Variants in RIN2 observed in about 807,000 individuals in gnomAD.
The protein encoded by RIN2 is RAB5 interacting protein 2.
Under a neutral mutation model 78.0 loss-of-function variants are expected in RIN2, and 36 were observed. The ratio of observed to expected loss-of-function variants is 0.46; its 90% CI spans 0.35 to 0.61. RIN2 has a LOEUF of 0.61. RIN2 is among the 20% of genes least tolerant of loss of function. RIN2 has a pLI of 0.00. For missense variants in RIN2, 1,087 were observed against 1,159.7 expected, an observed-to-expected ratio of 0.94 and a Z score of 0.91; for synonymous variants, 466 against 466.8, an observed-to-expected ratio of 1.00 and a Z score of 0.02.
intron 2 of RIN2, among the ~76,000 whole-genome samples, chr20:19,809,905 A>C (rs755773723): frequency 6.6e-6 from 1 of 152,240 alleles, no homozygotes; most frequent in Non-Finnish European, 1.5e-5. Context: ...CAGTTTTCAG[A>C]GGGAGATCCT....
chr20:19,783,172 G>A (rs1309899069), intron 1 of RIN2, among the ~76,000 whole-genome samples: 2 of 152,150 alleles, frequency 1.3e-5, no homozygotes, highest in African/African-American at 4.8e-5. Flanking sequence ...ACAAATATTT[G>A]TTATATTAGA....
At chr20:19,777,694 AT>A (rs1440345884) in intron 1 of RIN2, among the ~76,000 whole-genome samples, 2 of 152,174 alleles carry the variant, frequency 1.3e-5, no homozygotes, top group African/African-American at 2.4e-5. Context: ...AATAAATGGG[AT>A]TTTCTATTCA....
chr20:19,996,320 A>C (rs2042962821), intron 11 of RIN2, among the ~76,000 whole-genome samples: 1 of 152,122 alleles, frequency 6.6e-6, no homozygotes, highest in South Asian at 2.1e-4. Flanking sequence ...TCTCAAAAAC[A>C]AACAAACAAA....
chr20:19,894,071 C>T (rs543072645), intron 3 of RIN2, among the ~76,000 whole-genome samples: 2 of 152,160 alleles, frequency 1.3e-5, no homozygotes, highest in South Asian at 4.2e-4. Flanking sequence ...GACTGTGTCT[C>T]AAAAAACAAC....
At chr20:19,965,437 G>A (rs2041907739) in intron 7 of RIN2, among the ~76,000 whole-genome samples, 1 of 152,082 alleles carries the variant, frequency 6.6e-6, no homozygotes, top group African/African-American at 2.4e-5. Context: ...GACTTTGAAA[G>A]CTTCATGATA....
intron 2 of RIN2, among the ~76,000 whole-genome samples, chr20:19,824,564 C>A (rs938182847): frequency 2.0e-5 from 3 of 152,046 alleles, no homozygotes; most frequent in Admixed American, 6.6e-5. Context: ...TTAGTAATTT[C>A]ATATCCTTTC....
intron 5 of RIN2, among the ~76,000 whole-genome samples, chr20:19,959,349 A>G (rs2041662422): frequency 6.6e-6 from 1 of 152,132 alleles, no homozygotes. Context: ...TTCCTCTCCT[A>G]ACAACCAACA....
At chr20:19,930,819 A>G (rs2040412421) in intron 3 of RIN2, among the ~76,000 whole-genome samples, 2 of 152,270 alleles carry the variant, frequency 1.3e-5, no homozygotes, top group African/African-American at 4.8e-5. Flanking sequence ...ATTTTCATAC[A>G]CACCACCCTT....
At chr20:19,849,111 A>G (rs1192405588) in intron 2 of RIN2, among the ~76,000 whole-genome samples, 1 of 152,172 alleles carries the variant, frequency 6.6e-6, no homozygotes, top group Admixed American at 6.5e-5. Context: ...TTCACTGGAT[A>G]TCAAAAGCCT....
intron 1 of RIN2, among the ~76,000 whole-genome samples, chr20:19,779,707 C>T (rs1225306849): frequency 7.9e-5 from 12 of 152,174 alleles, no homozygotes; most frequent in Admixed American, 7.2e-4. Context: ...TGCTTGAACA[C>T]TTTGAGATTT....
In RIN2 at chr20:19,975,749, A is replaced by C. The variant is rs887194131; in HGVS notation, c.1724A>C (p.Asp575Ala). 1 of 1,610,316 alleles carries C rather than the reference A, an allele frequency of 6.2e-7. No individual in the cohort carries two copies. The highest frequency in any genetic ancestry group is 1.7e-4 in the Middle Eastern group (1 of 6,050). The change falls in exon 9 of 13, where the codon GAC (aspartate) becomes GCC (alanine). Residue 575 changes from aspartate (D) to alanine (A), a missense_variant. Asp to Ala is a moderately radical substitution (Grantham distance 126). Around this residue, in one of 8 missense-constraint regions of RIN2, gnomAD observed 39 missense variants for 34.9 expected, o/e 1.12. Coordinates refer to ENST00000255006, the MANE Select transcript of RIN2 (RefSeq NM_018993.4). The surrounding 1 kb of genome is among the most constrained non-coding windows in gnomAD (Gnocchi z 4.9). ...TATTTGTCTCAGAGCTCGGAGCTGG[A>C]CCCCCCCATCGAGTCGCTGATCCCT... ...KNYLSQSSELDPPIESLIPED... is the reference protein window; with the variant it reads ...KNYLSQSSELAPPIESLIPED...
chr20:19,967,074 G>A (rs1395031810), intron 7 of RIN2, among the ~76,000 whole-genome samples: 1 of 152,202 alleles, frequency 6.6e-6, no homozygotes, highest in African/African-American at 2.4e-5. Context: ...TGGTAATTGT[G>A]GAGTTGCTGG....
chr20:19,784,949 G>A (rs1386927013), intron 1 of RIN2, among the ~76,000 whole-genome samples: 1 of 152,142 alleles, frequency 6.6e-6, no homozygotes, highest in Non-Finnish European at 1.5e-5. Flanking sequence ...TATCCAGAAA[G>A]AAGGCAAAAA....
chr20:19,831,077 A>C (rs1281052410), intron 2 of RIN2, among the ~76,000 whole-genome samples: 2 of 152,130 alleles, frequency 1.3e-5, no homozygotes, highest in South Asian at 4.2e-4. Context: ...ACCCCAACCC[A>C]TGACCATCAG....
Position 19,760,003 on chromosome 20 carries a change from A to T in RIN2, c.-163+1676A>T, listed in dbSNP as rs1362463883. The stretch of plus-strand genomic sequence containing the variant: ...CAACAGATTGAGCAACTCTGGCTTC[A>T]GATGTAGTCACGTTCACTGAATGCA... On this transcript the variant is annotated intron_variant, in intron 1 of 12. Transcript: ENST00000255006. Among the ~76,000 whole-genome samples, 3 of 152,246 alleles carry T rather than the reference A, an allele frequency of 2.0e-5. No homozygotes were observed. The East Asian group carries it at 5.8e-4, about 29-fold the overall frequency.
At chr20:19,964,445 C>T (rs1013167745) in intron 6 of RIN2, among the ~76,000 whole-genome samples, 2 of 152,152 alleles carry the variant, frequency 1.3e-5, no homozygotes, top group Admixed American at 6.5e-5. Context: ...TAACCAAAAG[C>T]TGATTTCAGG....
At chr20:19,788,438 A>AAAAAAAAAACAAAAAAAAAAC (rs1555818712) in intron 1 of RIN2, among the ~76,000 whole-genome samples, 88 of 140,354 alleles carry the variant, frequency 6.3e-4, no homozygotes, top group African/African-American at 2.5e-3. Context: ...CTGCCAAAAA[A>AAAAAAAAAACAAAAAAAAAAC]AAAAAAAAAA....
chr20:19,759,859 T>TC (rs1343407580), intron 1 of RIN2, among the ~76,000 whole-genome samples: 2 of 151,906 alleles, frequency 1.3e-5, no homozygotes, highest in Admixed American at 6.6e-5. Context: ...TGAAACTCTG[T>TC]CTAAAAAAAA....
At chr20:19,834,399 G>C (rs900804422) in intron 2 of RIN2, among the ~76,000 whole-genome samples, 2 of 152,172 alleles carry the variant, frequency 1.3e-5, no homozygotes, top group Non-Finnish European at 2.9e-5. Context: ...TTGGTGCCAG[G>C]TACCCTGCTA....
Sources: gnomAD v4.1 joint callset for allele counts (sites outside exome capture counted in the v4.1 genomes callset) on GRCh38, gnomAD v4.1.1 for gene constraint, gnomAD v4.1.1 regional missense constraint, Gnocchi (gnomAD v3.1) non-coding constraint, MANE v1.5 for transcripts, NCBI Gene and HGNC (gene_info 2026-07-23, HGNC 2026-07-21) for gene names.